Variants in GRK4 observed in about 807,000 individuals in gnomAD.
GRK4 encodes the protein G protein-coupled receptor kinase 2-like.
A neutral mutation model predicts 77.9 loss-of-function variants in GRK4; 73 were observed. That is an observed-to-expected ratio of 0.94 (90% CI 0.78 to 1.14). The LOEUF is 1.14. Ranked by LOEUF, GRK4 falls within the 50% of genes most tolerant of loss-of-function variation. GRK4 has a pLI of 0.00. For synonymous variants in GRK4, 257 were observed against 254.4 expected (o/e 1.01, Z -0.10); for missense variants, 729 against 700.2 (o/e 1.04, Z -0.46).
chr4:3,022,566 A>G, intron 10 of GRK4, 115 bp downstream of exon 10: 1 of 914,520 alleles, frequency 1.1e-6, no homozygotes. Flanking sequence ...AAACAATAAC[A>G]AAAAGAAAAA....
chr4:2,972,996 A>G (rs539185241), intron 1 of GRK4, among the ~76,000 whole-genome samples: 2 of 152,318 alleles, frequency 1.3e-5, no homozygotes, highest in African/African-American at 4.8e-5. Flanking sequence ...CAGCCTCACA[A>G]AGTGCTGGGA....
intron 10 of GRK4, 97 bp downstream of exon 10, chr4:3,022,548 G>C: frequency 7.5e-6 from 8 of 1,060,494 alleles, no homozygotes; most frequent in Non-Finnish European, 1.1e-5. Flanking sequence ...ATGATTAGGA[G>C]AGAATGGAAA....
intron 4 of GRK4, among the ~76,000 whole-genome samples, chr4:2,995,452 T>C (rs1727538402): frequency 6.8e-6 from 1 of 147,562 alleles, no homozygotes; most frequent in South Asian, 2.1e-4. Flanking sequence ...GCAGATCACC[T>C]GAGGTTAGGA....
chr4:3,014,296 C>CTCTTT (rs757312217), intron 8 of GRK4, among the ~76,000 whole-genome samples: 1 of 119,000 alleles, frequency 8.4e-6, no homozygotes, highest in Non-Finnish European at 1.7e-5. Flanking sequence ...CTCTCTCTCT[C>CTCTTT]TTTTTTTTTT....
At position 3,029,196 on chromosome 4, in the gene GRK4, T is replaced by C. The variant is rs748774845; in HGVS notation, c.1061-5T>C. The C allele has an allele frequency of 6.9e-6, 11 of 1,601,478 alleles. No individual in the cohort carries two copies. Among genetic ancestry groups the C allele is most frequent in the Non-Finnish European group, 8.5e-6 (10 of 1,171,354 alleles). Reference sequence around the variant, plus strand: ...TAATTTCCATTTCCTGTATTTGTTATGTAGCACCTGAAGTTGTCAATAATG... The same window carrying C: ...TAATTTCCATTTCCTGTATTTGTTACGTAGCACCTGAAGTTGTCAATAATG... On this transcript the variant is annotated splice_region_variant and splice_polypyrimidine_tract_variant and intron_variant, in intron 11 of 15. Transcript: ENST00000398052.
chr4:2,991,824 T>C (rs1437587232), intron 3 of GRK4, among the ~76,000 whole-genome samples: 1 of 152,208 alleles, frequency 6.6e-6, no homozygotes, highest in African/African-American at 2.4e-5. Context: ...GAGATATCTT[T>C]AATGGATACA....
chr4:3,011,307 G>T (rs1308320468), intron 7 of GRK4, among the ~76,000 whole-genome samples: 1 of 152,134 alleles, frequency 6.6e-6, no homozygotes, highest in African/African-American at 2.4e-5. Context: ...GGTGCTGGGC[G>T]CGGTGGCTCA....
intron 4 of GRK4, among the ~76,000 whole-genome samples, chr4:2,992,962 C>G (rs1726719657): frequency 6.6e-6 from 1 of 152,074 alleles, no homozygotes; most frequent in African/African-American, 2.4e-5. Context: ...CTAGCCTGGA[C>G]AAGAGAGTAA....
At chr4:2,997,780 C>T (rs375337525) in intron 4 of GRK4, among the ~76,000 whole-genome samples, 6 of 151,836 alleles carry the variant, frequency 4.0e-5, no homozygotes, top group East Asian at 3.9e-4. Context: ...TGGTGGTGCA[C>T]GCCTATAGTC....
In GRK4 at chr4:3,027,037, C is replaced by T. The variant is rs140013467; in HGVS notation, c.971-875C>T. Among the ~76,000 whole-genome samples, 1,376 of 152,260 alleles carry T rather than the reference C, an allele frequency of 9.0e-3. 24 individuals are homozygous for T. Among genetic ancestry groups the T allele is most frequent in the African/African-American group, 0.031 (1,280 of 41,540 alleles). On this transcript the variant is annotated intron_variant, in intron 10 of 15. Transcript: ENST00000398052. ...TTCTACACACTCAACAGAATGTTTTCGATAATTTCGTATTTTCTTTATAAT... is the reference window on the plus strand; with the variant it reads ...TTCTACACACTCAACAGAATGTTTTTGATAATTTCGTATTTTCTTTATAAT...
intron 1 of GRK4, among the ~76,000 whole-genome samples, chr4:2,973,516 A>G (rs1720192783): frequency 1.3e-5 from 2 of 151,988 alleles, no homozygotes; most frequent in Admixed American, 6.6e-5. Context: ...CCAGACCCCA[A>G]ATACTCAACC....
chr4:2,999,467 G>A (rs934176237), intron 4 of GRK4, among the ~76,000 whole-genome samples: 3 of 152,150 alleles, frequency 2.0e-5, no homozygotes, highest in African/African-American at 7.2e-5. Flanking sequence ...ACATCCAAAC[G>A]ATAACACATT....
At chr4:3,031,366 G>C (rs1264816412) in intron 12 of GRK4, among the ~76,000 whole-genome samples, 1 of 152,216 alleles carries the variant, frequency 6.6e-6, no homozygotes, top group Non-Finnish European at 1.5e-5. Context: ...GAAAGCAGGG[G>C]TTTCCTCAAC....
intron 2 of GRK4, chr4:2,987,197 AAATGGG>A: frequency 2.0e-6 from 1 of 501,114 alleles, no homozygotes; most frequent in Admixed American, 2.1e-5. Flanking sequence ...CATTTCATAT[AAATGGG>A]AATCATAAAC....
intron 12 of GRK4, among the ~76,000 whole-genome samples, chr4:3,029,979 G>A (rs1205568033): frequency 1.3e-5 from 2 of 152,192 alleles, no homozygotes; most frequent in Non-Finnish European, 2.9e-5. Flanking sequence ...AGGGAAGAGT[G>A]GTACCAAGGT....
chr4:3,006,380 CAAA>C (rs796221342), intron 5 of GRK4, among the ~76,000 whole-genome samples: 6 of 100,280 alleles, frequency 6.0e-5, no homozygotes, highest in Admixed American at 1.1e-4. Context: ...AACTCCGCCT[CAAA>C]AAAAAAAAAA....
At chr4:2,967,198 T>A (rs1051067729) in intron 1 of GRK4, among the ~76,000 whole-genome samples, 3 of 152,174 alleles carry the variant, frequency 2.0e-5, no homozygotes, top group African/African-American at 7.2e-5. Context: ...CTGTGAGAAA[T>A]ACATTTCTGC....
rs764521757 is a variant in GRK4 at position 2,964,157 on chromosome 4, CA to C, written c.52+36del. On this transcript the variant is annotated intron_variant, in intron 1 of 15. Coordinates refer to ENST00000398052, the MANE Select transcript of GRK4 (RefSeq NM_182982.3). ...CGGCAGGCGCCCCCGACCCCCCCCC[CA>C]GAGAACCCCGAATCCCGGGGAACCC... 8.5e-6 allele frequency: 13 copies of C among 1,522,612 alleles called. No homozygotes were observed. The East Asian group carries it at 2.1e-4, about 25-fold the overall frequency. The allele number at this position is 1,522,612 out of a possible 1,614,324, so 94.3% of individuals were successfully genotyped here.
At position 3,033,106 on chromosome 4, in the gene GRK4, G is replaced by GAGCT. The variant is rs543585301; in HGVS notation, c.1270-2279_1270-2276dup. On this transcript the variant is annotated intron_variant, in intron 12 of 15. Coordinates refer to ENST00000398052, the MANE Select transcript of GRK4 (RefSeq NM_182982.3). ...TGCTTCAAAGATGGAGCCTTGGCTG[G>GAGCT]AGCTGGTGGCTCATACCTATAATCT... Among the ~76,000 whole-genome samples, 49 of 152,346 alleles carry GAGCT rather than the reference G, an allele frequency of 3.2e-4. 1 individual carries two copies. In the South Asian group the frequency reaches 9.1e-3, roughly 28 times the overall value.
Sources: allele counts gnomAD v4.1 joint callset (sites outside exome capture counted in the v4.1 genomes callset), GRCh38; gene constraint gnomAD v4.1.1; transcripts MANE v1.5; gene names NCBI Gene and HGNC (gene_info 2026-07-23, HGNC 2026-07-21).